SEMA6D: variants seen among roughly 807,000 people sequenced by gnomAD.
The protein encoded by SEMA6D is semaphorin-6D.
In SEMA6D, 35 loss-of-function variants were observed where a neutral mutation model predicts 106.6. The observed-to-expected ratio is 0.33, with a 90% confidence interval of 0.25 to 0.44. The LOEUF is 0.44. Ranked by LOEUF, SEMA6D falls within the 20% of genes least tolerant of loss-of-function variation. The pLI is 1.00. For missense variants in SEMA6D, 1,185 were observed against 1,345.9 expected, an observed-to-expected ratio of 0.88 and a Z score of 1.87; for synonymous variants, 499 against 487.7, an observed-to-expected ratio of 1.02 and a Z score of -0.31.
At chr15:47,254,289 A>C (rs1171085054) in intron 1 of SEMA6D, among the ~76,000 whole-genome samples, 1 of 143,786 alleles carries the variant, frequency 7.0e-6, no homozygotes, top group African/African-American at 2.5e-5. Flanking sequence ...ATGAGTGTGT[A>C]TATATAGATG....
chr15:47,397,367 C>T (rs1355132772), intron 1 of SEMA6D: 1 of 152,120 alleles, frequency 6.6e-6, no homozygotes, highest in East Asian at 1.9e-4. Flanking sequence ...GAGTTTTTCT[C>T]CCTAGATTGC....
intron 1 of SEMA6D, among the ~76,000 whole-genome samples, chr15:47,294,989 T>C (rs2035747660): frequency 1.3e-5 from 2 of 152,206 alleles, no homozygotes. Flanking sequence ...AAAGGAATCA[T>C]TAATACCCTT....
chr15:47,736,575 A>ATG (rs1169939452), intron 1 of SEMA6D, among the ~76,000 whole-genome samples: 9 of 152,172 alleles, frequency 5.9e-5, no homozygotes, highest in Non-Finnish European at 1.3e-4. Context: ...GATCGTGGTG[A>ATG]TGTAGGGTGA....
intron 1 of SEMA6D, among the ~76,000 whole-genome samples, chr15:47,187,645 T>C (rs897345393): frequency 2.6e-5 from 4 of 152,216 alleles, no homozygotes; most frequent in Non-Finnish European, 5.9e-5. Context: ...ATGCCCTTGC[T>C]GAGTTTATGT....
chr15:47,732,547 C>A (rs912171481), intron 1 of SEMA6D, among the ~76,000 whole-genome samples: 13 of 152,172 alleles, frequency 8.5e-5, no homozygotes, highest in African/African-American at 3.1e-4. Context: ...CCTCAGTTGA[C>A]CCAAATGGGA....
At chr15:47,256,099 C>T (rs2033791625) in intron 1 of SEMA6D, among the ~76,000 whole-genome samples, 2 of 152,138 alleles carry the variant, frequency 1.3e-5, no homozygotes, top group South Asian at 4.1e-4. Context: ...ATTACTGTAG[C>T]TATATAACAA....
In SEMA6D at chr15:47,770,854, A is replaced by T; in HGVS notation, c.2291A>T (p.Gln764Leu). The change falls in exon 19 of 19, where the codon CAA becomes CTA. Residue 764 changes from glutamine (Q) to leucine (L), a missense_variant. By Grantham distance (113) the Gln-to-Leu change is moderately radical. Coordinates refer to ENST00000536845, the MANE Select transcript of SEMA6D (RefSeq NM_001358351.3). ...TCCATGGTAATGGACCATCGAGGGC[A>T]ACCTCCAGAGTTGGCTGCTCTTCCT... is the stretch of plus-strand genomic sequence containing the variant. The part of the protein sequence containing the change: ...TKSMVMDHRG[Q>L]PPELAALPTP... 1 of 1,614,028 alleles carries T rather than the reference A, an allele frequency of 6.2e-7. No individual in the cohort carries two copies. Among genetic ancestry groups the T allele is most frequent in the South Asian group, 1.1e-5 (1 of 91,078 alleles).
intron 2 of SEMA6D, among the ~76,000 whole-genome samples, chr15:47,430,111 A>G (rs758741422): frequency 5.9e-5 from 9 of 152,104 alleles, no homozygotes; most frequent in Non-Finnish European, 1.2e-4. Flanking sequence ...GAAAATAATA[A>G]AAATGCAGTA....
In SEMA6D at chr15:47,773,633, G is replaced by A. The variant is rs2082725824; in HGVS notation, c.*1848G>A. The A allele has an allele frequency of 6.6e-6, 1 of 152,450 alleles. No individual in the cohort carries two copies. The highest frequency in any genetic ancestry group is 1.5e-5 in the Non-Finnish European group (1 of 68,024). 9.4% of individuals were successfully genotyped at this position (152,450 alleles called of 1,614,324 possible). A position where few individuals can be genotyped will look rare whatever the true frequency, so the allele number is the denominator to read the frequency against. ...ATTTTTATACAGAATGTGAAATACT[G>A]ATACAGTTATTCTTTTTTTTAAAGA... On this transcript the variant is annotated 3_prime_UTR_variant, in exon 19 of 19. Coordinates refer to ENST00000536845, the MANE Select transcript of SEMA6D (RefSeq NM_001358351.3).
chr15:47,501,869 T>G (rs1234773884), intron 3 of SEMA6D, among the ~76,000 whole-genome samples: 1 of 114,014 alleles, frequency 8.8e-6, no homozygotes, highest in Non-Finnish European at 1.7e-5. Context: ...TTTGTTTTGT[T>G]TTGTTTTGTT....
intron 4 of SEMA6D, among the ~76,000 whole-genome samples, chr15:47,681,547 G>C (rs1912638): frequency 0.33 from 49,889 of 152,072 alleles, 8,365 homozygotes; most frequent in East Asian, 0.44. Flanking sequence ...CTTAGAGATA[G>C]CAATACTGTA....
chr15:47,641,886 G>T (rs541443767), intron 4 of SEMA6D, among the ~76,000 whole-genome samples: 1 of 152,212 alleles, frequency 6.6e-6, no homozygotes, highest in African/African-American at 2.4e-5. Flanking sequence ...CTGGCATTGG[G>T]CACTCCTATG....
intron 1 of SEMA6D, among the ~76,000 whole-genome samples, chr15:47,726,003 G>T (rs887829545): frequency 6.6e-6 from 1 of 152,246 alleles, no homozygotes; most frequent in Non-Finnish European, 1.5e-5. Context: ...CAAATTCAAT[G>T]TTGGGAACTC....
intron 1 of SEMA6D, among the ~76,000 whole-genome samples, chr15:47,357,797 A>G (rs1054536550): frequency 3.9e-5 from 6 of 152,114 alleles, no homozygotes; most frequent in African/African-American, 1.4e-4. Context: ...CAATCCAACC[A>G]AGTTGACACT....
At chr15:47,763,159 C>T (rs1013066771) in intron 9 of SEMA6D, 55 bp downstream of exon 9, 1 of 1,364,664 alleles carries the variant, frequency 7.3e-7, no homozygotes, top group African/African-American at 1.4e-5. Flanking sequence ...AAATTGAGAC[C>T]ACTGTGATAG....
chr15:47,664,116 C>T (rs2077980051), intron 4 of SEMA6D, among the ~76,000 whole-genome samples: 1 of 152,194 alleles, frequency 6.6e-6, no homozygotes, highest in Non-Finnish European at 1.5e-5. Flanking sequence ...AAACAGTTTT[C>T]ATCCCATGGT....
intron 4 of SEMA6D, among the ~76,000 whole-genome samples, chr15:47,666,238 C>T (rs958607163): frequency 6.6e-6 from 1 of 152,134 alleles, no homozygotes; most frequent in African/African-American, 2.4e-5. Context: ...CCATAAGAGG[C>T]GGTGAAAAGA....
intron 2 of SEMA6D, among the ~76,000 whole-genome samples, chr15:47,430,962 A>G (rs1304549828): frequency 6.6e-6 from 1 of 152,162 alleles, no homozygotes; most frequent in Non-Finnish European, 1.5e-5. Flanking sequence ...TTGTGAGGCA[A>G]GTCATAGCAG....
At chr15:47,579,887 C>T (rs1018012460) in intron 3 of SEMA6D, among the ~76,000 whole-genome samples, 5 of 152,086 alleles carry the variant, frequency 3.3e-5, no homozygotes. Flanking sequence ...TAAACTAAAG[C>T]GACTCAACCA....
Sources: allele counts gnomAD v4.1 joint callset (sites outside exome capture counted in the v4.1 genomes callset), GRCh38; gene constraint gnomAD v4.1.1; transcripts MANE v1.5; gene names NCBI Gene and HGNC (gene_info 2026-07-23, HGNC 2026-07-21).